Variants in MICU3 observed in about 807,000 individuals in gnomAD.
MICU3 encodes the protein calcium uptake protein 3, mitochondrial.
A neutral mutation model predicts 66.5 loss-of-function variants in MICU3; 62 were observed. The ratio of observed to expected loss-of-function variants is 0.93; its 90% CI spans 0.76 to 1.15. The LOEUF (loss-of-function observed/expected upper bound fraction) is 1.15. Ranked by LOEUF, MICU3 falls within the 50% of genes most tolerant of loss-of-function variation. The pLI, the probability that MICU3 is intolerant of heterozygous loss-of-function variation, is 0.00. For missense variants in MICU3, 779 were observed against 664.4 expected (o/e 1.17, Z -1.90); for synonymous variants, 308 against 240.7 (o/e 1.28, Z -2.59).
intron 11 of MICU3, among the ~76,000 whole-genome samples, chr8:17,110,760 GT>G (rs200440816): frequency 2.0e-5 from 3 of 150,264 alleles, no homozygotes; most frequent in Non-Finnish European, 3.0e-5. Flanking sequence ...TAGAGACAGG[GT>G]TTTTTTTTGT....
At position 17,077,837 on chromosome 8, in the gene MICU3, C is replaced by G. The variant is rs780400878; in HGVS notation, c.622C>G (p.Leu208Val). 3.7e-6 allele frequency: 6 copies of G among 1,611,448 alleles called. No homozygotes were observed. In the South Asian group the frequency reaches 5.5e-5, roughly 15 times the overall value. Residue 208 changes from leucine to valine, a missense_variant, in exon 4 of 15, where the codon CTA becomes GTA. Physicochemically the swap from Leu to Val is conservative, Grantham distance 32 (BLOSUM62 1). Coordinates refer to ENST00000318063, the MANE Select transcript of MICU3 (RefSeq NM_181723.3). ...TPPVWKGSSK[L>V]FRNLKEKGVI... is the part of the protein sequence containing the mutation. ...ACCAGTTTGGAAAGGCTCATCGAAG[C>G]TATTTCGAAATCTTAAAGAAAAAGG...
intron 3 of MICU3, among the ~76,000 whole-genome samples, chr8:17,075,758 C>G (rs1820296289): frequency 6.6e-6 from 1 of 152,094 alleles, no homozygotes; most frequent in African/African-American, 2.4e-5. Context: ...TACTTATCCA[C>G]TTTAAGTCTC....
chr8:17,078,518 A>G (rs993327844), intron 4 of MICU3, among the ~76,000 whole-genome samples: 2 of 152,040 alleles, frequency 1.3e-5, no homozygotes, highest in African/African-American at 4.8e-5. Flanking sequence ...TAATCTTTTT[A>G]ATCTTAAAAA....
At chr8:17,130,506 C>CT in the MICU3 span, among the ~76,000 whole-genome samples, 1 of 151,032 alleles carries the variant, frequency 6.6e-6, no homozygotes, top group Non-Finnish European at 1.5e-5. Context: ...GAGCAAGACT[C>CT]TGTCTCAAAA....
At chr8:17,132,925 G>C in the MICU3 span, 5 of 152,314 alleles carry the variant, frequency 3.3e-5, no homozygotes, top group Admixed American at 2.0e-4. Flanking sequence ...AATGAGATTA[G>C]TGCCTTGGTA....
chr8:17,056,975 C>T (rs1323837043), intron 1 of MICU3, among the ~76,000 whole-genome samples: 1 of 152,178 alleles, frequency 6.6e-6, no homozygotes, highest in East Asian at 1.9e-4. Flanking sequence ...TTACGGTTTC[C>T]AGAGTTTATC....
intron 1 of MICU3, among the ~76,000 whole-genome samples, chr8:17,030,963 G>C (rs555293804): frequency 6.6e-6 from 1 of 151,922 alleles, no homozygotes; most frequent in South Asian, 2.1e-4. Flanking sequence ...CTCTATCTTA[G>C]CTCTTTTGTA....
chr8:17,085,127 A>G (rs939977299), intron 5 of MICU3, 109 bp from the exon 6 acceptor site: 1 of 618,050 alleles, frequency 1.6e-6, no homozygotes, highest in African/African-American at 1.8e-5. Context: ...TACGCTTTCT[A>G]CTATCTTTAA....
chr8:17,056,685 T>C (rs1816986660), intron 1 of MICU3, among the ~76,000 whole-genome samples: 1 of 152,214 alleles, frequency 6.6e-6, no homozygotes. Flanking sequence ...GGAAGCTGTG[T>C]GGTCAGAGTC....
At chr8:17,087,988 A>T (rs1471480993) in intron 7 of MICU3, among the ~76,000 whole-genome samples, 1 of 152,036 alleles carries the variant, frequency 6.6e-6, no homozygotes, top group Non-Finnish European at 1.5e-5. Flanking sequence ...TCAGAGAGCT[A>T]AAACTTTATT....
chr8:17,115,075 C>G (rs1485444692), intron 12 of MICU3, among the ~76,000 whole-genome samples: 1 of 149,870 alleles, frequency 6.7e-6, no homozygotes, highest in Admixed American at 6.6e-5. Context: ...GCCGAGATCC[C>G]GCCACTGCAC....
chr8:17,077,584 C>T (rs1820565163), intron 3 of MICU3, among the ~76,000 whole-genome samples, 199 bp from the exon 4 acceptor site: 1 of 152,126 alleles, frequency 6.6e-6, no homozygotes, highest in African/African-American at 2.4e-5. Context: ...GTAGCCTCTT[C>T]ATCATTTATT....
chr8:17,078,688 T>C (rs1254173744), intron 4 of MICU3, among the ~76,000 whole-genome samples: 9 of 152,078 alleles, frequency 5.9e-5, no homozygotes, highest in Admixed American at 5.9e-4. Context: ...GACAAATACT[T>C]TGAAGGAGTA....
chr8:17,035,470 G>C (rs1388305691), intron 1 of MICU3, among the ~76,000 whole-genome samples: 2 of 152,238 alleles, frequency 1.3e-5, no homozygotes. Flanking sequence ...GGACAGTAAA[G>C]TCCAGGCTGA....
chr8:17,129,413 C>T, the MICU3 span, among the ~76,000 whole-genome samples: 1 of 152,004 alleles, frequency 6.6e-6, no homozygotes, highest in Non-Finnish European at 1.5e-5. Context: ...AAAATAATAG[C>T]ATAATAGGTA....
chr8:17,045,824 C>T (rs978216367), intron 1 of MICU3, among the ~76,000 whole-genome samples: 5 of 152,174 alleles, frequency 3.3e-5, no homozygotes, highest in Non-Finnish European at 7.3e-5. Flanking sequence ...AGGGCATGTA[C>T]AGGGGAACTC....
rs2150457200 is a variant in MICU3 at position 17,027,595 on chromosome 8, G to A, written c.316G>A (p.Glu106Lys). The change falls in exon 1 of 15, where the codon GAG becomes AAG. Residue 106 changes from glutamate (E) to lysine (K), a missense_variant. Transcript: ENST00000318063. ...GCGACCCTCAAAGAGCGCGGCCACG[G>A]AGCCCGAGGACCCGCCCCGCGGCCG... ...TGRPSKSAAT[E>K]PEDPPRGRGM... 1.5e-6 allele frequency: 2 copies of A among 1,301,174 alleles called. No homozygotes were observed. The highest frequency in any genetic ancestry group is 2.4e-5 in the South Asian group (1 of 42,138). The allele number at this position is 1,301,174 out of a possible 1,614,324, so 80.6% of individuals were successfully genotyped here.
the MICU3 span, among the ~76,000 whole-genome samples, chr8:17,129,319 A>C: frequency 6.6e-6 from 1 of 152,300 alleles, no homozygotes. Context: ...CATTCATAGA[A>C]AAAGGCCCAG....
rs769356501 is a variant in MICU3, at chr8:17,116,563, T to C, written c.1487T>C (p.Ile496Thr). ...GATCAATTAAGTTATAAAGAATTTATTGGAATTATGAAAGACAGACTCCAT... is the reference window on the plus strand; with the variant it reads ...GATCAATTAAGTTATAAAGAATTTACTGGAATTATGAAAGACAGACTCCAT... ...KDDQLSYKEF[I>T]GIMKDRLHRG... Residue 496 changes from isoleucine (I) to threonine (T), a missense_variant, in exon 13 of 15, where the codon ATT (isoleucine) becomes ACT (threonine). Transcript: ENST00000318063. The C allele has an allele frequency of 1.7e-5, 26 of 1,566,942 alleles. No homozygotes were observed. In the Admixed American group the frequency reaches 3.2e-4, roughly 19 times the overall value.
Sources: allele counts gnomAD v4.1 joint callset (sites outside exome capture counted in the v4.1 genomes callset), GRCh38; gene constraint gnomAD v4.1.1; transcripts MANE v1.5; gene names NCBI Gene and HGNC (gene_info 2026-07-23, HGNC 2026-07-21).